Variants in RAD18 observed in about 807,000 individuals in gnomAD.
The protein encoded by RAD18 is RAD18 E3 ubiquitin protein ligase, also known as E3 ubiquitin-protein ligase RAD18.
A neutral mutation model predicts 60.4 loss-of-function variants in RAD18; 47 were observed. The observed-to-expected ratio is 0.78, with a 90% CI of 0.62 to 0.99. The LOEUF (loss-of-function observed/expected upper bound fraction) is 0.99. Among genes scored for constraint, RAD18 ranks in the 50% least tolerant of loss-of-function variants. The pLI, the probability that RAD18 is intolerant of heterozygous loss-of-function variation, is 0.00. For synonymous variants in RAD18, 225 were observed against 195.5 expected (o/e 1.15, Z -1.26); for missense variants, 640 against 593.3 (o/e 1.08, Z -0.82).
At chr3:8,952,447 G>C (rs573000157) in intron 2 of RAD18, among the ~76,000 whole-genome samples, 1 of 152,242 alleles carries the variant, frequency 6.6e-6, no homozygotes, top group East Asian at 1.9e-4. Flanking sequence ...ATTTATGCTG[G>C]TTTTAACTTA....
At chr3:8,963,083 T>A (rs1444896307) in intron 1 of RAD18, among the ~76,000 whole-genome samples, 1 of 152,156 alleles carries the variant, frequency 6.6e-6, no homozygotes, top group East Asian at 1.9e-4. Flanking sequence ...ATTGTTGGGA[T>A]TGGATCGCAG....
chr3:8,908,445 A>G (rs1295607090), intron 9 of RAD18, among the ~76,000 whole-genome samples: 1 of 152,086 alleles, frequency 6.6e-6, no homozygotes, highest in Non-Finnish European at 1.5e-5. Flanking sequence ...ACATAGAGGG[A>G]AGACGATGTC....
chr3:8,918,318 C>CA (rs56365221), intron 7 of RAD18, among the ~76,000 whole-genome samples: 1,446 of 72,392 alleles, frequency 0.02, 27 homozygotes, highest in East Asian at 0.088. Flanking sequence ...AACTCCATCT[C>CA]AAAAAAAAAA....
Position 8,959,315 on chromosome 3 carries a change from G to A in RAD18, c.52-314C>T, listed in dbSNP as rs536032561. On this transcript the variant is annotated intron_variant, in intron 1 of 12. Coordinates refer to ENST00000264926, the MANE Select transcript of RAD18 (RefSeq NM_020165.4). ...TGTACTTCTGTTCCACTTCTAATGC[G>A]CTTCCAGCTCTTACTCCAAGCCTCC... Among the ~76,000 whole-genome samples, 7 of 152,244 alleles carry A rather than the reference G, an allele frequency of 4.6e-5. No individual in the cohort carries two copies. In the South Asian group the frequency reaches 1.2e-3, roughly 27 times the overall value.
At chr3:8,900,354 C>G (rs1939886419) in intron 10 of RAD18, among the ~76,000 whole-genome samples, 1 of 152,198 alleles carries the variant, frequency 6.6e-6, no homozygotes, top group Non-Finnish European at 1.5e-5. Context: ...CTATATTACT[C>G]AACTAGTGAG....
At chr3:8,948,634 T>A in intron 2 of RAD18, 64 bp from the exon 3 acceptor site, 1 of 1,359,022 alleles carries the variant, frequency 7.4e-7, no homozygotes, top group Non-Finnish European at 1.0e-6. Flanking sequence ...GAATATGACT[T>A]CTAACAAAAT....
At chr3:8,883,630 G>C (rs1939509801) in intron 12 of RAD18, among the ~76,000 whole-genome samples, 1 of 152,122 alleles carries the variant, frequency 6.6e-6, no homozygotes, top group East Asian at 1.9e-4. Flanking sequence ...CTTCCTGCTT[G>C]CACACAGCCT....
At chr3:8,893,035 C>A (rs1303745408) in intron 11 of RAD18, among the ~76,000 whole-genome samples, 6 of 152,166 alleles carry the variant, frequency 3.9e-5, no homozygotes, top group Admixed American at 3.9e-4. Context: ...AGTAAATGTT[C>A]AACAAATGTC....
intron 9 of RAD18, among the ~76,000 whole-genome samples, chr3:8,907,831 AC>A (rs1940039412): frequency 6.6e-6 from 1 of 152,168 alleles, no homozygotes; most frequent in Non-Finnish European, 1.5e-5. Context: ...CTGGACAAGA[AC>A]CCACATGCTG....
intron 12 of RAD18, among the ~76,000 whole-genome samples, chr3:8,888,852 GTA>G (rs1464409659): frequency 6.6e-6 from 1 of 152,174 alleles, no homozygotes; most frequent in Non-Finnish European, 1.5e-5. Flanking sequence ...GTGCTTTCTG[GTA>G]GTAATCACTT....
At chr3:8,917,299 T>C (rs991767261) in intron 7 of RAD18, among the ~76,000 whole-genome samples, 3 of 152,122 alleles carry the variant, frequency 2.0e-5, no homozygotes, top group African/African-American at 7.2e-5. Flanking sequence ...TTACAAAAAG[T>C]ATTAAAACAA....
At chr3:8,939,449 A>G in intron 6 of RAD18, 105 bp downstream of exon 6, 1 of 888,034 alleles carries the variant, frequency 1.1e-6, no homozygotes, top group Non-Finnish European at 1.7e-6. Flanking sequence ...AAGTAAGAGC[A>G]GGAAATACGG....
chr3:8,904,851 A>C (rs993688268), intron 9 of RAD18, among the ~76,000 whole-genome samples: 1 of 152,232 alleles, frequency 6.6e-6, no homozygotes. Context: ...AGAATTAGTC[A>C]AGAAATTTGC....
chr3:8,912,458 G>C (rs1318402020), intron 8 of RAD18, 86 bp from the exon 9 acceptor site: 3 of 936,156 alleles, frequency 3.2e-6, no homozygotes, highest in Non-Finnish European at 4.7e-6. Flanking sequence ...TCTCAAATGT[G>C]AGTGTTTAAA....
chr3:8,891,008 T>C (rs1400378699), intron 11 of RAD18, among the ~76,000 whole-genome samples: 3 of 151,828 alleles, frequency 2.0e-5, no homozygotes, highest in African/African-American at 7.3e-5. Flanking sequence ...ATACCACAAA[T>C]ATGATGTCTG....
intron 7 of RAD18, 120 bp from the exon 8 acceptor site, chr3:8,913,840 G>T: frequency 1.9e-6 from 1 of 520,152 alleles, no homozygotes; most frequent in Non-Finnish European, 3.2e-6. Context: ...TGAACTCCCT[G>T]ATCTATTTTT....
intron 11 of RAD18, 60 bp from the exon 12 acceptor site, chr3:8,890,511 T>C (rs1939665756): frequency 2.3e-6 from 3 of 1,278,050 alleles, no homozygotes; most frequent in Admixed American, 1.9e-5. Context: ...GTCCCATTTA[T>C]ATAAAATTCT....
At chr3:8,959,043 AAAATTGG>A (rs1218052122) in intron 1 of RAD18, 42 bp from the exon 2 acceptor site, 1 of 1,527,430 alleles carries the variant, frequency 6.5e-7, no homozygotes, top group Non-Finnish European at 9.0e-7. Flanking sequence ...GAAAGACATC[AAAATTGG>A]AAGTCCTGTC....
At chr3:8,892,668 A>C (rs1349476941) in intron 11 of RAD18, among the ~76,000 whole-genome samples, 2 of 152,324 alleles carry the variant, frequency 1.3e-5, no homozygotes, top group South Asian at 4.1e-4. Flanking sequence ...AAAGTAGCAC[A>C]GCTTCTTCAG....
Sources: allele counts gnomAD v4.1 joint callset (sites outside exome capture counted in the v4.1 genomes callset), GRCh38; gene constraint gnomAD v4.1.1; transcripts MANE v1.5; gene names NCBI Gene and HGNC (gene_info 2026-07-23, HGNC 2026-07-21).